The following SFI1 variants were observed in gnomAD, a reference collection of about 807,000 sequenced individuals.
SFI1 encodes protein SFI1 homolog.
SFI1 carries 195 observed loss-of-function variants against 207.5 expected under a neutral mutation model. That is an observed-to-expected ratio of 0.94 (90% CI 0.84 to 1.06). SFI1 has a LOEUF of 1.06. Among genes scored for constraint, SFI1 ranks in the 50% least tolerant of loss-of-function variants. The pLI is 0.00. For missense variants in SFI1, 1,634 were observed against 1,588.0 expected (o/e 1.03, Z -0.49); for synonymous variants, 630 against 598.9 (o/e 1.05, Z -0.76).
intron 2 of SFI1, among the ~76,000 whole-genome samples, chr22:31,515,472 C>A (rs1036511256): frequency 1.3e-5 from 2 of 151,586 alleles, no homozygotes; most frequent in Admixed American, 1.3e-4. Context: ...CTCAGCCTCC[C>A]AGCTCATGCA....
At chr22:31,529,274 A>T (rs994294586) in intron 3 of SFI1, among the ~76,000 whole-genome samples, 1 of 152,222 alleles carries the variant, frequency 6.6e-6, no homozygotes, top group Non-Finnish European at 1.5e-5. Flanking sequence ...CAGGTCAGGT[A>T]CGGTGGCTCA....
chr22:31,580,978 G>C (rs1389106704), intron 12 of SFI1, among the ~76,000 whole-genome samples: 2 of 152,066 alleles, frequency 1.3e-5, no homozygotes, highest in Admixed American at 6.6e-5. Flanking sequence ...ACCTGACCTA[G>C]GGGATATAGT....
At chr22:31,559,448 C>T (rs900907478) in intron 7 of SFI1, 8 of 406,664 alleles carry the variant, frequency 2.0e-5, no homozygotes, top group Admixed American at 3.1e-5. Flanking sequence ...ATGGCTTCCG[C>T]GGGAGGCCTA....
chr22:31,602,608 C>T lies in SFI1; in HGVS notation c.1628C>T (p.Ala543Val), dbSNP rs1246651365. 1.9e-6 allele frequency: 3 copies of T among 1,614,122 alleles called. No homozygotes were observed. Among genetic ancestry groups the T allele is most frequent in the East Asian group, 4.5e-5 (2 of 44,880 alleles). Residue 543 changes from alanine (A) to valine (V), a missense_variant and splice_region_variant, in exon 17 of 33, where the codon GCC becomes GTC. By Grantham distance (64) the Ala-to-Val change is moderately conservative. Coordinates refer to ENST00000400288, the MANE Select transcript of SFI1 (RefSeq NM_001007467.3). ...TCTCTCCTTCCTGTCCTGCCTCAGG[C>T]CATCCTTCACGCAGAGCGACAGCTT... ...HRENRLAERM[A>V]ILHAERQLLY...
At chr22:31,512,479 A>G (rs1013606033) in intron 2 of SFI1, among the ~76,000 whole-genome samples, 9 of 151,780 alleles carry the variant, frequency 5.9e-5, no homozygotes, top group African/African-American at 2.2e-4. Context: ...AGTTGTATGT[A>G]TTTATAGGAT....
intron 2 of SFI1, among the ~76,000 whole-genome samples, chr22:31,510,888 A>C (rs539127539): frequency 5.9e-5 from 9 of 152,124 alleles, no homozygotes; most frequent in African/African-American, 2.2e-4. Context: ...TCTCTTTCAT[A>C]CCTAATTTTG....
intron 21 of SFI1, 126 bp downstream of exon 21, chr22:31,606,556 T>G (rs2069009654): frequency 1.5e-6 from 1 of 674,984 alleles, no homozygotes; most frequent in African/African-American, 1.8e-5. Flanking sequence ...TGGGTAACTT[T>G]CCTCCAGCAC....
chr22:31,603,866 G>A, intron 18 of SFI1, 47 bp downstream of exon 18: 4 of 1,537,948 alleles, frequency 2.6e-6, no homozygotes, highest in Non-Finnish European at 3.5e-6. Context: ...TTTTGGACAG[G>A]TGGGCTGTGT....
Position 31,575,925 on chromosome 22 carries a change from C to T in SFI1, c.1084+533C>T, listed in dbSNP as rs565122243. ...GGTGCCACTATTACCATTTTACAGACGAGGAAAGAGATTCAGAGGAGCTGA... is the reference window on the plus strand; with the variant it reads ...GGTGCCACTATTACCATTTTACAGATGAGGAAAGAGATTCAGAGGAGCTGA... On this transcript the variant is annotated intron_variant, in intron 10 of 32. Transcript: ENST00000400288. 7.9e-5 allele frequency among the ~76,000 whole-genome samples: 12 copies of T among 152,176 alleles called. No homozygotes were observed. In the South Asian group the frequency reaches 1.2e-3, roughly 16 times the overall value.
intron 10 of SFI1, among the ~76,000 whole-genome samples, chr22:31,577,744 G>T (rs1173378594): frequency 6.6e-6 from 1 of 152,132 alleles, no homozygotes; most frequent in Non-Finnish European, 1.5e-5. Context: ...AAAAAGAAAA[G>T]AAGTGCAGTC....
At chr22:31,557,363 T>C (rs946495018) in intron 7 of SFI1, among the ~76,000 whole-genome samples, 8 of 151,344 alleles carry the variant, frequency 5.3e-5, no homozygotes, top group African/African-American at 1.9e-4. Context: ...TTTTTTTTCA[T>C]TTTTTTGTAG....
intron 15 of SFI1, among the ~76,000 whole-genome samples, chr22:31,594,964 C>T (rs1409703980): frequency 6.6e-6 from 1 of 151,240 alleles, no homozygotes. Context: ...TATGGTGGGA[C>T]ATAATGAAGA....
chr22:31,594,346 A>G (rs1255698123), intron 15 of SFI1, among the ~76,000 whole-genome samples: 1 of 151,802 alleles, frequency 6.6e-6, no homozygotes, highest in Non-Finnish European at 1.5e-5. Flanking sequence ...TCAAGAGTTC[A>G]AGACCAGCCT....
chr22:31,532,506 T>C (rs775861420), intron 4 of SFI1, among the ~76,000 whole-genome samples: 1 of 152,130 alleles, frequency 6.6e-6, no homozygotes, highest in Non-Finnish European at 1.5e-5. Context: ...AAAACTGAAA[T>C]GTCTTGGGTT....
intron 4 of SFI1, among the ~76,000 whole-genome samples, chr22:31,545,907 A>G (rs1252306102): frequency 1.4e-5 from 1 of 70,828 alleles, no homozygotes; most frequent in Non-Finnish European, 2.8e-5. Flanking sequence ...TTTTTAATGT[A>G]TTTGAGACAG....
intron 15 of SFI1, among the ~76,000 whole-genome samples, chr22:31,594,539 C>G (rs977687005): frequency 1.1e-5 from 1 of 90,718 alleles, no homozygotes; most frequent in Non-Finnish European, 2.0e-5. Context: ...CAGGGCGAGA[C>G]GCCGTCTCAA....
chr22:31,610,938 G>A (rs2069993477), intron 22 of SFI1, among the ~76,000 whole-genome samples: 1 of 152,224 alleles, frequency 6.6e-6, no homozygotes, highest in South Asian at 2.1e-4. Context: ...TCTGGTTCCA[G>A]TCCCCGGGGG....
chr22:31,576,144 C>A (rs929116443), intron 10 of SFI1, among the ~76,000 whole-genome samples: 1 of 151,704 alleles, frequency 6.6e-6, no homozygotes, highest in Non-Finnish European at 1.5e-5. Flanking sequence ...CCTGCCTTAG[C>A]CTCACGAGTA....
intron 1 of SFI1, among the ~76,000 whole-genome samples, chr22:31,498,755 T>C (rs1175692137): frequency 6.6e-6 from 1 of 151,894 alleles, no homozygotes; most frequent in Non-Finnish European, 1.5e-5. Flanking sequence ...GCAGATATGA[T>C]AGAAAAATCA....
Sources: gnomAD v4.1 joint callset for allele counts (sites outside exome capture counted in the v4.1 genomes callset) on GRCh38, gnomAD v4.1.1 for gene constraint, MANE v1.5 for transcripts, NCBI Gene and HGNC (gene_info 2026-07-23, HGNC 2026-07-21) for gene names.